BCAS1: variants seen among roughly 807,000 people sequenced by gnomAD.
BCAS1 encodes brain enriched myelin associated protein 1, also known as breast carcinoma-amplified sequence 1.
In BCAS1, 46 loss-of-function variants were observed where a neutral mutation model predicts 65.4. The ratio of observed to expected loss-of-function variants is 0.70; its 90% CI spans 0.55 to 0.90. The LOEUF is 0.90. Among genes scored for constraint, BCAS1 ranks in the 40% least tolerant of loss-of-function variants. The pLI, the probability that BCAS1 is intolerant of heterozygous loss-of-function variation, is 0.00. For missense variants in BCAS1, 793 were observed against 771.2 expected (o/e 1.03, Z -0.33); for synonymous variants, 298 against 293.5 (o/e 1.02, Z -0.16).
intron 9 of BCAS1, among the ~76,000 whole-genome samples, chr20:53,972,190 T>C (rs1274996247): frequency 6.6e-6 from 1 of 152,220 alleles, no homozygotes; most frequent in East Asian, 1.9e-4. Flanking sequence ...ACTCTTGTAA[T>C]ATGGTTAATC....
intron 10 of BCAS1, among the ~76,000 whole-genome samples, chr20:53,961,149 G>A (rs1475786400): frequency 6.6e-6 from 1 of 152,192 alleles, no homozygotes; most frequent in Non-Finnish European, 1.5e-5. Context: ...TCTGAGGAAT[G>A]TTTGAACCAT....
intron 12 of BCAS1, among the ~76,000 whole-genome samples, chr20:53,945,837 A>C (rs2089296756): frequency 6.6e-6 from 1 of 152,078 alleles, no homozygotes. Context: ...CAGTGGTGGG[A>C]CTATGTTCAC....
intron 1 of BCAS1, among the ~76,000 whole-genome samples, chr20:54,065,538 C>A (rs993632089): frequency 2.6e-5 from 4 of 152,178 alleles, no homozygotes; most frequent in African/African-American, 9.7e-5. Context: ...TGCCAAGGAC[C>A]GCCCCCTTCC....
chr20:54,068,924 T>G (rs1165680365), intron 1 of BCAS1, among the ~76,000 whole-genome samples: 1 of 152,098 alleles, frequency 6.6e-6, no homozygotes, highest in African/African-American at 2.4e-5. Flanking sequence ...ACATCTCTTG[T>G]CATGGTAAAG....
chr20:54,052,992 T>C (rs1003556011), intron 3 of BCAS1, among the ~76,000 whole-genome samples: 4 of 152,206 alleles, frequency 2.6e-5, no homozygotes, highest in Non-Finnish European at 5.9e-5. Context: ...TGGAGACAAA[T>C]TGAGGATACT....
intron 4 of BCAS1, among the ~76,000 whole-genome samples, chr20:54,027,588 A>T (rs767093088): frequency 3.9e-5 from 6 of 152,170 alleles, no homozygotes; most frequent in Non-Finnish European, 8.8e-5. Context: ...TAACCAAGGA[A>T]ATGCATGCCC....
In BCAS1 at chr20:53,980,016, C is replaced by T. The variant is rs189059437; in HGVS notation, c.1276-4586G>A. Among the ~76,000 whole-genome samples, 6 of 152,182 alleles carry T rather than the reference C, an allele frequency of 3.9e-5. No individual in the cohort carries two copies. In the East Asian group the frequency reaches 1.2e-3, roughly 29 times the overall value. ...CCCTTATAAACAGACATTTTTAACA[C>T]TGCTAACTAATAGGTTATATTAGGT... On this transcript the variant is annotated intron_variant, in intron 8 of 12. Transcript: ENST00000688948.
rs549040325 is a variant in BCAS1, at chr20:53,974,930, A to T, written c.1317+459T>A. Among the ~76,000 whole-genome samples the T allele has an allele frequency of 2.0e-5, 3 of 152,284 alleles. No homozygotes were observed. In the South Asian group the frequency reaches 6.2e-4, roughly 32 times the overall value. On this transcript the variant is annotated intron_variant, in intron 9 of 12. Coordinates refer to ENST00000688948, the MANE Select transcript of BCAS1 (RefSeq NM_001366298.2). The stretch of plus-strand genomic sequence containing the variant: ...AAGTCAGCGCTCTAACCTGAGACCG[A>T]CATTCTCAGCGTCTGTTGCTGCAAG...
intron 9 of BCAS1, among the ~76,000 whole-genome samples, chr20:53,972,502 C>T (rs1052985083): frequency 2.6e-5 from 4 of 152,200 alleles, no homozygotes; most frequent in African/African-American, 9.7e-5. Flanking sequence ...TGAAACTACT[C>T]AACTCTGTTG....
chr20:54,034,128 T>A (rs1204132118), intron 3 of BCAS1, among the ~76,000 whole-genome samples: 1 of 151,290 alleles, frequency 6.6e-6, no homozygotes, highest in Non-Finnish European at 1.5e-5. Flanking sequence ...TGAAGGAACA[T>A]ACCTCAAAAT....
chr20:53,996,031 TC>T lies in BCAS1; in HGVS notation c.742del (p.Glu248LysfsTer33). On this transcript the variant is annotated frameshift_variant, in exon 5 of 13. Coordinates refer to ENST00000688948, the MANE Select transcript of BCAS1 (RefSeq NM_001366298.2). LOFTEE classifies it high-confidence loss of function. ...PAGKDIVDGKEKEGQELGTAD... is the reference protein window; with the variant it reads ...PAGKDIVDGKXKEGQELGTAD... Reference sequence around the variant, plus strand: ...AGTTCCAAGTTCTTGTCCTTCTTTTTCCTTGCCGTCAACTATGTCCTAGGGG... The same window carrying T: ...AGTTCCAAGTTCTTGTCCTTCTTTTTCTTGCCGTCAACTATGTCCTAGGGG... 11 of 1,604,830 alleles carry T rather than the reference TC, an allele frequency of 6.9e-6. No individual in the cohort carries two copies. The highest frequency in any genetic ancestry group is 9.4e-6 in the Non-Finnish European group (11 of 1,175,450).
chr20:54,049,847 G>A lies in BCAS1; in HGVS notation c.142+8238C>T, dbSNP rs369261649. Among the ~76,000 whole-genome samples the A allele has an allele frequency of 1.1e-3, 162 of 152,242 alleles. 1 individual carries two copies. The highest frequency in any genetic ancestry group is 3.7e-3 in the African/African-American group (152 of 41,530). ...GATGAGACTCAGAATAAACTTCCTT[G>A]CCAAGGTTGTACAGCTAGTGAGTGG... On this transcript the variant is annotated intron_variant, in intron 3 of 12. Coordinates refer to ENST00000688948, the MANE Select transcript of BCAS1 (RefSeq NM_001366298.2).
rs1308509018 is a variant in BCAS1, at chr20:54,058,072, G to C, written c.142+13C>G. 1 of 1,609,204 alleles carries C rather than the reference G, an allele frequency of 6.2e-7. No individual in the cohort carries two copies. Among genetic ancestry groups the C allele is most frequent in the Non-Finnish European group, 8.5e-7 (1 of 1,176,970 alleles). The stretch of plus-strand genomic sequence containing the variant: ...CACGAGAGGGTAGATGCCCTTCCCA[G>C]AGTAGCACTGACCTTCCTCTAAGTG... On this transcript the variant is annotated intron_variant, in intron 3 of 12. Transcript: ENST00000688948.
intron 4 of BCAS1, among the ~76,000 whole-genome samples, chr20:54,027,683 G>T (rs545883943): frequency 1.3e-5 from 2 of 151,936 alleles, no homozygotes; most frequent in South Asian, 4.2e-4. Context: ...CTCTCTCAAG[G>T]TTAAAAGCAA....
chr20:54,004,793 C>A (rs530101813), intron 4 of BCAS1, among the ~76,000 whole-genome samples: 1 of 152,338 alleles, frequency 6.6e-6, no homozygotes, highest in African/African-American at 2.4e-5. Flanking sequence ...TGACTACATA[C>A]AAGCTGTGCA....
At chr20:54,066,289 G>A (rs1046879648) in intron 1 of BCAS1, among the ~76,000 whole-genome samples, 5 of 152,136 alleles carry the variant, frequency 3.3e-5, no homozygotes, top group South Asian at 2.1e-4. Flanking sequence ...AGCCAGGATG[G>A]TCTCGATCTC....
At chr20:54,067,396 A>T (rs553238743) in intron 1 of BCAS1, among the ~76,000 whole-genome samples, 1 of 152,204 alleles carries the variant, frequency 6.6e-6, no homozygotes, top group African/African-American at 2.4e-5. Flanking sequence ...AATAAATCAA[A>T]TAAAGTGAGG....
Position 53,985,323 on chromosome 20 carries a change from G to A in BCAS1, c.1239C>T (p.Pro413=), listed in dbSNP as rs909402542. Residue 413 remains proline, a synonymous_variant, in exon 8 of 13, where the codon CCC becomes CCT. Coordinates refer to ENST00000688948, the MANE Select transcript of BCAS1 (RefSeq NM_001366298.2). ...ACAGTTTGCCCAGAGGCAGAGAGGT[G>A]GGTCCTGATTTCTCCTTGGTGCCTT... ...AKEGTKEKSG[P]TSLPLGKLFW... The A allele has an allele frequency of 2.0e-5, 32 of 1,613,776 alleles. No individual in the cohort carries two copies. Among genetic ancestry groups the A allele is most frequent in the Non-Finnish European group, 2.5e-5 (29 of 1,179,980 alleles).
intron 10 of BCAS1, among the ~76,000 whole-genome samples, chr20:53,959,500 C>A (rs970795939): frequency 2.0e-5 from 3 of 152,224 alleles, no homozygotes; most frequent in Admixed American, 2.0e-4. Flanking sequence ...ATGATCCACC[C>A]GCCTCGGCCT....
Sources: gnomAD v4.1 joint callset for allele counts (sites outside exome capture counted in the v4.1 genomes callset) on GRCh38, gnomAD v4.1.1 for gene constraint, MANE v1.5 for transcripts, NCBI Gene and HGNC (gene_info 2026-07-23, HGNC 2026-07-21) for gene names.